The following LDHC variants were observed in gnomAD, a reference collection of about 807,000 sequenced individuals.
LDHC encodes the protein lactate dehydrogenase C, also known as L-lactate dehydrogenase C chain.
LDHC carries 20 observed loss-of-function variants against 30.2 expected under a neutral mutation model. The observed-to-expected ratio is 0.66, with a 90% CI of 0.47 to 0.96. The LOEUF (loss-of-function observed/expected upper bound fraction) is 0.96. Among genes scored for constraint, LDHC ranks in the 40% least tolerant of loss-of-function variants. LDHC has a pLI of 0.00. For missense variants in LDHC, 362 were observed against 394.9 expected, an observed-to-expected ratio of 0.92 and a Z score of 0.71; for synonymous variants, 139 against 132.7, an observed-to-expected ratio of 1.05 and a Z score of -0.32.
In LDHC at chr11:18,415,285, G is replaced by A. The variant is rs1866989323; in HGVS notation, c.228G>A (p.Lys76=). Residue 76 remains lysine, a synonymous_variant, in exon 3 of 8, where the codon AAG becomes AAA. Coordinates refer to ENST00000541669, the MANE Select transcript of LDHC (RefSeq NM_017448.5). ...GCAGTCTTTTCTTTAGTACTTCAAA[G>A]ATTACTTCTGGAAAAGGTTAATTTT... ...QHGSLFFSTS[K]ITSGKDYSVS... is the part of the protein sequence containing the mutation. The A allele has an allele frequency of 6.5e-7, 1 of 1,545,770 alleles. No individual in the cohort carries two copies. The highest frequency in any genetic ancestry group is 2.3e-5 in the East Asian group (1 of 44,440).
chr11:18,437,526 A>G (rs949249673), intron 5 of LDHC, among the ~76,000 whole-genome samples: 1 of 151,662 alleles, frequency 6.6e-6, no homozygotes, highest in Non-Finnish European at 1.5e-5. Flanking sequence ...GCTGAGGTGG[A>G]CGGATCACGA....
At chr11:18,444,123 T>C (rs1170102152) in intron 6 of LDHC, among the ~76,000 whole-genome samples, 1 of 152,204 alleles carries the variant, frequency 6.6e-6, no homozygotes, top group African/African-American at 2.4e-5. Flanking sequence ...TGGTTTACAA[T>C]GTGTATCAGT....
intron 3 of LDHC, among the ~76,000 whole-genome samples, chr11:18,422,437 T>G (rs963184583): frequency 6.6e-6 from 1 of 151,230 alleles, no homozygotes; most frequent in Non-Finnish European, 1.5e-5. Context: ...ACACCTGTAA[T>G]CCAGCTACTT....
chr11:18,446,866 T>C (rs1193314330), intron 7 of LDHC, among the ~76,000 whole-genome samples: 1 of 152,144 alleles, frequency 6.6e-6, no homozygotes, highest in African/African-American at 2.4e-5. Flanking sequence ...GTAATAGCTA[T>C]TTTTAGGAAT....
At chr11:18,429,695 T>G in intron 3 of LDHC, 42 bp from the exon 4 acceptor site, 1 of 1,216,156 alleles carries the variant, frequency 8.2e-7, no homozygotes, top group Non-Finnish European at 1.2e-6. Context: ...ACAGTGGTTA[T>G]GGTAATGTTG....
chr11:18,416,502 A>T (rs1185483732), intron 3 of LDHC, among the ~76,000 whole-genome samples: 2 of 152,214 alleles, frequency 1.3e-5, no homozygotes, highest in Non-Finnish European at 2.9e-5. Context: ...TTGAGATTGA[A>T]GGCAGTTACC....
chr11:18,445,803 T>C (rs1301523160), intron 6 of LDHC, among the ~76,000 whole-genome samples: 1 of 151,998 alleles, frequency 6.6e-6, no homozygotes. Context: ...AAACCCTGTA[T>C]CTACAAAGAA....
chr11:18,417,779 T>G (rs1867050303), intron 3 of LDHC, among the ~76,000 whole-genome samples: 1 of 152,166 alleles, frequency 6.6e-6, no homozygotes, highest in Non-Finnish European at 1.5e-5. Flanking sequence ...TAATATTAAT[T>G]ATGGAATACT....
intron 3 of LDHC, among the ~76,000 whole-genome samples, chr11:18,418,720 C>T (rs1001778983): frequency 6.6e-6 from 1 of 152,112 alleles, no homozygotes; most frequent in African/African-American, 2.4e-5. Flanking sequence ...AGCCACCGCA[C>T]CTGGCCATAT....
chr11:18,444,743 A>G (rs1353859261), intron 6 of LDHC, among the ~76,000 whole-genome samples: 4 of 150,612 alleles, frequency 2.7e-5, no homozygotes, highest in African/African-American at 9.7e-5. Context: ...TATATGCTGG[A>G]CAGTCTTTGC....
At chr11:18,412,877 A>G in intron 2 of LDHC, 34 bp downstream of exon 2, 1 of 1,602,450 alleles carries the variant, frequency 6.2e-7, no homozygotes, top group Non-Finnish European at 8.5e-7. Flanking sequence ...GCTGAAAATC[A>G]AGTGAGCACT....
intron 7 of LDHC, 139 bp downstream of exon 7, chr11:18,446,472 C>CA: frequency 6.4e-6 from 4 of 624,854 alleles, no homozygotes; most frequent in South Asian, 1.8e-5. Flanking sequence ...CAGGTCAGGT[C>CA]AAAAAAATAC....
intron 3 of LDHC, among the ~76,000 whole-genome samples, chr11:18,419,628 C>G (rs1485553797): frequency 6.6e-6 from 1 of 151,990 alleles, no homozygotes; most frequent in East Asian, 1.9e-4. Context: ...TGAGCAAGAA[C>G]CAGCATAACA....
chr11:18,447,629 G>T (rs1848577369), intron 7 of LDHC, among the ~76,000 whole-genome samples: 1 of 152,206 alleles, frequency 6.6e-6, no homozygotes, highest in African/African-American at 2.4e-5. Flanking sequence ...TGAGCCATGT[G>T]TCAGTCTGTG....
At chr11:18,422,753 C>T (rs538392490) in intron 3 of LDHC, among the ~76,000 whole-genome samples, 2 of 151,796 alleles carry the variant, frequency 1.3e-5, no homozygotes, top group South Asian at 2.1e-4. Context: ...GAAGCCGAGG[C>T]GGGAGTATCG....
intron 4 of LDHC, among the ~76,000 whole-genome samples, chr11:18,432,434 C>T (rs1451973228): frequency 6.6e-6 from 1 of 152,082 alleles, no homozygotes; most frequent in Non-Finnish European, 1.5e-5. Flanking sequence ...GATGTGTATT[C>T]TGTGGTTGTT....
At chr11:18,434,974 C>G in intron 5 of LDHC, 61 bp downstream of exon 5, 1 of 1,166,034 alleles carries the variant, frequency 8.6e-7, no homozygotes, top group Non-Finnish European at 1.2e-6. Flanking sequence ...GTGCTTATTT[C>G]CTTTAAAGTT....
At position 18,428,166 on chromosome 11, in the gene LDHC, C is replaced by CTTTTTT. The variant is rs35861956; in HGVS notation, c.245-1553_245-1548dup. ...CATTTTCTTTTCTTTCTTTCTCTCT[C>CTTTTTT]TTTTTTTTTTTTTTTTTTTTTTTGA... is the stretch of plus-strand genomic sequence containing the variant. On this transcript the variant is annotated intron_variant, in intron 3 of 7. Coordinates refer to ENST00000541669, the MANE Select transcript of LDHC (RefSeq NM_017448.5). Among the ~76,000 whole-genome samples the CTTTTTT allele has an allele frequency of 1.9e-3, 184 of 94,834 alleles. 1 individual carries two copies. The highest frequency in any genetic ancestry group is 0.011 in the Middle Eastern group (1 of 94). 62.2% of individuals were successfully genotyped at this position (94,834 alleles called of 152,430 possible). A position where few individuals can be genotyped will look rare whatever the true frequency, so the allele number is the denominator to read the frequency against.
In LDHC at chr11:18,413,521, G is replaced by A. The variant is rs1264208467; in HGVS notation, c.126+678G>A. Among the ~76,000 whole-genome samples the A allele has an allele frequency of 2.0e-5, 3 of 148,970 alleles. No homozygotes were observed. The Admixed American group carries it at 2.0e-4, about 10-fold the overall frequency. ...CTCTGTTGCCAGGCTGGAGTGCAGC[G>A]GCAGGATCTCGGCTCCCGGCAACCT... On this transcript the variant is annotated intron_variant, in intron 2 of 7. Transcript: ENST00000541669.
Sources: gnomAD v4.1 joint callset for allele counts (sites outside exome capture counted in the v4.1 genomes callset) on GRCh38, gnomAD v4.1.1 for gene constraint, MANE v1.5 for transcripts, NCBI Gene and HGNC (gene_info 2026-07-23, HGNC 2026-07-21) for gene names.